CNTNAP3: variants seen among roughly 807,000 people sequenced by gnomAD.
The protein encoded by CNTNAP3 is contactin-associated protein-like 3.
CNTNAP3 carries 36 observed loss-of-function variants against 92.1 expected under a neutral mutation model. The ratio of observed to expected loss-of-function variants is 0.39; its 90% CI spans 0.30 to 0.52. The LOEUF is 0.52. Ranked by LOEUF, CNTNAP3 falls within the 20% of genes least tolerant of loss-of-function variation. The pLI, the probability that CNTNAP3 is intolerant of heterozygous loss-of-function variation, is 0.76. For missense variants in CNTNAP3, 534 were observed against 1,069.6 expected, an observed-to-expected ratio of 0.50 and a Z score of 6.98; for synonymous variants, 232 against 422.3, an observed-to-expected ratio of 0.55 and a Z score of 5.53.
At chr9:39,168,451 A>C (rs1370012877) in intron 8 of CNTNAP3, among the ~76,000 whole-genome samples, 1 of 82,984 alleles carries the variant, frequency 1.2e-5, no homozygotes, top group Non-Finnish European at 2.4e-5. Context: ...CCTCTACCCC[A>C]TCCCATGGAA....
intron 12 of CNTNAP3, among the ~76,000 whole-genome samples, chr9:39,139,402 T>A (rs1257030702): frequency 6.6e-6 from 1 of 152,246 alleles, no homozygotes. Flanking sequence ...TGTGTTTCTT[T>A]ATCTTCAGCA....
At chr9:39,105,165 C>T (rs1230772367) in intron 15 of CNTNAP3, among the ~76,000 whole-genome samples, 1 of 152,226 alleles carries the variant, frequency 6.6e-6, no homozygotes, top group South Asian at 2.1e-4. Context: ...CAGTGGCTCA[C>T]GCCTGTAACC....
chr9:39,107,372 G>A (rs1758539), intron 15 of CNTNAP3, among the ~76,000 whole-genome samples: 5,054 of 103,368 alleles, frequency 0.049, no homozygotes, highest in Admixed American at 0.066. Context: ...GAGGAAGGGA[G>A]GGAGAGAAAG....
intron 18 of CNTNAP3, among the ~76,000 whole-genome samples, chr9:39,091,135 T>C (rs1221903458): frequency 6.6e-6 from 1 of 152,064 alleles, no homozygotes. Flanking sequence ...ATAGAGATAG[T>C]TTTATTTCCT....
intron 18 of CNTNAP3, among the ~76,000 whole-genome samples, chr9:39,098,869 GCT>G (rs1826386697): frequency 6.6e-6 from 1 of 151,978 alleles, no homozygotes; most frequent in Admixed American, 6.6e-5. Context: ...CTACATTTTA[GCT>G]CTGATGATTC....
chr9:39,085,544 C>T, intron 21 of CNTNAP3, 192 bp downstream of exon 21: 1 of 595,666 alleles, frequency 1.7e-6, no homozygotes, highest in Non-Finnish European at 3.0e-6. Context: ...CAGGAACGCC[C>T]TTGCACATCT....
At chr9:39,114,478 T>C (rs1401170735) in intron 14 of CNTNAP3, among the ~76,000 whole-genome samples, 1 of 152,164 alleles carries the variant, frequency 6.6e-6, no homozygotes, top group Non-Finnish European at 1.5e-5. Context: ...GAGTTCAAGT[T>C]TATCCCTAAC....
intron 21 of CNTNAP3, among the ~76,000 whole-genome samples, chr9:39,083,282 T>A (rs1013073122): frequency 2.0e-5 from 3 of 151,480 alleles, no homozygotes; most frequent in Admixed American, 2.0e-4. Context: ...ACAGGCTAAT[T>A]TTTTTTTACT....
rs3119289 is a variant in CNTNAP3 at position 39,217,395 on chromosome 9, T to G, written c.390+21598A>C. Among the ~76,000 whole-genome samples, 97 of 23,982 alleles carry G rather than the reference T, an allele frequency of 4.0e-3. 11 individuals are homozygous for G. Among genetic ancestry groups the G allele is most frequent in the African/African-American group, 6.3e-3 (94 of 14,892 alleles). The allele number at this position is 23,982 out of a possible 152,430, so 15.7% of individuals were successfully genotyped here. ...ATATATATATATATATATATATATATATATATTCATTGTGGGAATTTCAAA... is the reference window on the plus strand; with the variant it reads ...ATATATATATATATATATATATATAGATATATTCATTGTGGGAATTTCAAA... On this transcript the variant is annotated intron_variant, in intron 3 of 23. Transcript: ENST00000297668.
intron 11 of CNTNAP3, among the ~76,000 whole-genome samples, chr9:39,142,395 G>C (rs934581524): frequency 3.9e-5 from 6 of 152,076 alleles, no homozygotes; most frequent in African/African-American, 1.4e-4. Flanking sequence ...CACAGCGGCT[G>C]GGCATGGTGG....
At chr9:39,122,724 C>T (rs1048098734) in intron 13 of CNTNAP3, among the ~76,000 whole-genome samples, 7 of 152,068 alleles carry the variant, frequency 4.6e-5, no homozygotes, top group Non-Finnish European at 1.0e-4. Flanking sequence ...ATGCTAAAGC[C>T]AAACAATACA....
intron 3 of CNTNAP3, among the ~76,000 whole-genome samples, chr9:39,194,542 CA>C (rs1162095694): frequency 5.5e-3 from 3 of 542 alleles, no homozygotes; most frequent in African/African-American, 5.8e-3. Context: ...GACTCCATCA[CA>C]AAAAAAAAAA....
Position 39,250,129 on chromosome 9 carries a change from T to C in CNTNAP3, c.197-10943A>G, listed in dbSNP as rs1414767326. Among the ~76,000 whole-genome samples, 2 of 9,690 alleles carry C rather than the reference T, an allele frequency of 2.1e-4. 1 individual carries two copies. Among genetic ancestry groups the C allele is most frequent in the African/African-American group, 2.2e-4 (2 of 9,052 alleles). The allele number at this position is 9,690 out of a possible 152,430, so 6.4% of individuals were successfully genotyped here. On this transcript the variant is annotated intron_variant, in intron 2 of 23. Coordinates refer to ENST00000297668, the MANE Select transcript of CNTNAP3 (RefSeq NM_033655.5). Reference sequence around the variant, plus strand: ...AGCACAATTGAAATCTACTCAGCAATAGAAGGAAATGTGCCACAAATCCAC... The same window carrying C: ...AGCACAATTGAAATCTACTCAGCAACAGAAGGAAATGTGCCACAAATCCAC...
At chr9:39,218,411 TTA>T (rs1321113301) in intron 3 of CNTNAP3, among the ~76,000 whole-genome samples, 4 of 4,124 alleles carry the variant, frequency 9.7e-4, no homozygotes, top group Non-Finnish European at 7.9e-3. Flanking sequence ...TCTCATGAAT[TTA>T]TTATTATTAT....
intron 20 of CNTNAP3, 92 bp from the exon 21 acceptor site, chr9:39,085,915 A>G: frequency 1.7e-6 from 2 of 1,162,978 alleles, no homozygotes; most frequent in Non-Finnish European, 2.6e-6. Context: ...AAAGATGAAA[A>G]TAAATCACTT....
intron 13 of CNTNAP3, among the ~76,000 whole-genome samples, chr9:39,123,217 C>A (rs963588460): frequency 6.6e-6 from 1 of 151,528 alleles, no homozygotes; most frequent in Non-Finnish European, 1.5e-5. Context: ...GCCTCAGCCT[C>A]CCGAGTAGCT....
intron 17 of CNTNAP3, among the ~76,000 whole-genome samples, chr9:39,101,856 G>A (rs1316851067): frequency 6.6e-6 from 1 of 152,296 alleles, no homozygotes; most frequent in Non-Finnish European, 1.5e-5. Context: ...CCAATCCTCT[G>A]CAATGTGAAT....
At chr9:39,150,233 C>T (rs1258144815) in intron 9 of CNTNAP3, among the ~76,000 whole-genome samples, 1 of 150,228 alleles carries the variant, frequency 6.7e-6, no homozygotes, top group African/African-American at 2.5e-5. Context: ...TATTTCCCAA[C>T]CAAGTGAAAA....
At chr9:39,102,861 G>A in intron 16 of CNTNAP3, 146 bp from the exon 17 acceptor site, 3 of 1,128,090 alleles carry the variant, frequency 2.7e-6, no homozygotes, top group Middle Eastern at 2.9e-4. Context: ...TTGGGGTGGG[G>A]GCAGAATAAA....
Sources: allele counts gnomAD v4.1 joint callset (sites outside exome capture counted in the v4.1 genomes callset), GRCh38; gene constraint gnomAD v4.1.1; transcripts MANE v1.5; gene names NCBI Gene and HGNC (gene_info 2026-07-23, HGNC 2026-07-21).